The following RASSF8 variants were observed in gnomAD, a reference collection of about 807,000 sequenced individuals.
RASSF8 encodes Ras association domain family member 8.
A neutral mutation model predicts 48.5 loss-of-function variants in RASSF8; 22 were observed. The ratio of observed to expected loss-of-function variants is 0.45; its 90% confidence interval spans 0.32 to 0.65. The LOEUF is 0.65. Among genes scored for constraint, RASSF8 ranks in the 30% least tolerant of loss-of-function variants. The pLI is 0.03. For missense variants in RASSF8, 418 were observed against 489.2 expected (o/e 0.85, Z 1.37); for synonymous variants, 127 against 171.5 (o/e 0.74, Z 2.03).
intron 2 of RASSF8, among the ~76,000 whole-genome samples, chr12:26,018,660 C>A (rs10842654): frequency 0.19 from 29,230 of 152,024 alleles, 2,921 homozygotes; most frequent in Admixed American, 0.25. Context: ...TCTTGTTGTA[C>A]CCCATGCCAC....
chr12:26,009,450 C>T (rs911390788), intron 2 of RASSF8, among the ~76,000 whole-genome samples: 1 of 152,014 alleles, frequency 6.6e-6, no homozygotes, highest in African/African-American at 2.4e-5. Context: ...TGGGTGGTGG[C>T]GGAGATGCTG....
At chr12:26,022,320 A>G (rs1942805401) in intron 2 of RASSF8, among the ~76,000 whole-genome samples, 1 of 152,206 alleles carries the variant, frequency 6.6e-6, no homozygotes, top group Non-Finnish European at 1.5e-5. Flanking sequence ...TGCAGGAGAA[A>G]TAGACTTCCC....
intron 2 of RASSF8, among the ~76,000 whole-genome samples, chr12:26,024,288 A>G (rs1335941078): frequency 6.6e-6 from 1 of 152,178 alleles, no homozygotes; most frequent in African/African-American, 2.4e-5. Context: ...GATATGAGCC[A>G]CCACGCCCAG....
At chr12:25,966,200 A>G (rs561525653) in intron 1 of RASSF8, among the ~76,000 whole-genome samples, 1 of 152,278 alleles carries the variant, frequency 6.6e-6, no homozygotes, top group Non-Finnish European at 1.5e-5. Context: ...AACACTTGGC[A>G]TAGTTGGTCT....
intron 2 of RASSF8, among the ~76,000 whole-genome samples, chr12:26,010,994 C>T (rs903843051): frequency 1.3e-5 from 2 of 152,084 alleles, no homozygotes; most frequent in African/African-American, 4.8e-5. Context: ...CCTTGGAATC[C>T]AAAAGTGATA....
chr12:26,065,281 G>C lies in RASSF8; in HGVS notation c.887G>C (p.Gly296Ala), dbSNP rs770968174. ...VNEEEVKGKI[G>A]KVKGEIDIQG... Reference sequence around the variant, plus strand: ...GAGGAAGAGGTTAAAGGAAAGATCGGTAAGGTCAAAGGGGAGATTGACATT... The same window carrying C: ...GAGGAAGAGGTTAAAGGAAAGATCGCTAAGGTCAAAGGGGAGATTGACATT... Residue 296 changes from glycine (G) to alanine (A), a missense_variant, in exon 4 of 6, where the codon GGT becomes GCT. By Grantham distance (60) the Gly-to-Ala change is moderately conservative. Transcript: ENST00000689635. 1.2e-6 allele frequency: 2 copies of C among 1,614,144 alleles called. No homozygotes were observed. Among genetic ancestry groups the C allele is most frequent in the Non-Finnish European group, 1.7e-6 (2 of 1,179,996 alleles).
intron 2 of RASSF8, among the ~76,000 whole-genome samples, chr12:26,009,033 C>G (rs763436400): frequency 6.6e-6 from 1 of 152,090 alleles, no homozygotes; most frequent in Non-Finnish European, 1.5e-5. Flanking sequence ...CACTGGTAGT[C>G]CCCTGTGTAC....
At chr12:26,035,392 T>C (rs1943112169) in intron 2 of RASSF8, among the ~76,000 whole-genome samples, 1 of 141,610 alleles carries the variant, frequency 7.1e-6, no homozygotes, top group African/African-American at 2.6e-5. Context: ...ATAATATAAT[T>C]ATATGAAATT....
chr12:26,027,942 G>T (rs1942950703), intron 2 of RASSF8, among the ~76,000 whole-genome samples: 1 of 152,188 alleles, frequency 6.6e-6, no homozygotes, highest in East Asian at 1.9e-4. Context: ...CAGGACAAAG[G>T]AGTGGCTGTG....
chr12:26,045,217 A>T (rs1056751591), intron 2 of RASSF8, among the ~76,000 whole-genome samples: 2 of 152,196 alleles, frequency 1.3e-5, no homozygotes, highest in Non-Finnish European at 2.9e-5. Flanking sequence ...CATAGGGATC[A>T]TGCATGATTG....
At chr12:26,077,037 G>T (rs1286754295), downstream of RASSF8, among the ~76,000 whole-genome samples, 447 of 141,030 alleles carry the variant, frequency 3.2e-3, no homozygotes, top group Non-Finnish European at 4.1e-3. Context: ...ATTTTTTCAT[G>T]TGTCTGTTGG....
chr12:25,999,260 G>C (rs1159664726), intron 2 of RASSF8, among the ~76,000 whole-genome samples: 1 of 152,140 alleles, frequency 6.6e-6, no homozygotes, highest in Non-Finnish European at 1.5e-5. Flanking sequence ...GAAATCAAGA[G>C]AAACTTTTTC....
In RASSF8 at chr12:26,072,572, C is replaced by T. The variant is rs1264647171; in HGVS notation, c.*3754C>T. On this transcript the variant is annotated 3_prime_UTR_variant, in exon 6 of 6. Coordinates refer to ENST00000689635, the MANE Select transcript of RASSF8 (RefSeq NM_001394098.1). ...ATTAAAAAATAGATTTACAGCCAGA[C>T]ATGGTGATAGCCCTAAATGTATTTC... 4 of 985,078 alleles carry T rather than the reference C, an allele frequency of 4.1e-6. No homozygotes were observed. Among genetic ancestry groups the T allele is most frequent in the African/African-American group, 3.5e-5 (2 of 57,170 alleles). 61.0% of individuals were successfully genotyped at this position (985,078 alleles called of 1,614,324 possible). A position where few individuals can be genotyped will look rare whatever the true frequency, so the allele number is the denominator to read the frequency against.
chr12:26,028,603 G>A (rs1430340584), intron 2 of RASSF8, among the ~76,000 whole-genome samples: 1 of 152,174 alleles, frequency 6.6e-6, no homozygotes, highest in Non-Finnish European at 1.5e-5. Flanking sequence ...GCTACGGTAA[G>A]TGACAATAAA....
At position 26,069,233 on chromosome 12, in the gene RASSF8, GTGAC is replaced by G. The variant is rs1943949537; in HGVS notation, c.*421_*424del. ...TTTAATATTTTTATTGACTTATCCTGTGACTGACTTACGTTACATATTGTGTGAT... is the reference window on the plus strand; with the variant it reads ...TTTAATATTTTTATTGACTTATCCTGTGACTTACGTTACATATTGTGTGAT... On this transcript the variant is annotated 3_prime_UTR_variant, in exon 6 of 6. Transcript: ENST00000689635. 1 of 988,388 alleles carries G rather than the reference GTGAC, an allele frequency of 1.0e-6. No individual in the cohort carries two copies. The highest frequency in any genetic ancestry group is 4.6e-5 in the South Asian group (1 of 21,880). 61.2% of individuals were successfully genotyped at this position (988,388 alleles called of 1,614,324 possible).
At chr12:25,969,888 G>A (rs546298777) in intron 1 of RASSF8, among the ~76,000 whole-genome samples, 2 of 152,170 alleles carry the variant, frequency 1.3e-5, no homozygotes, top group Admixed American at 1.3e-4. Context: ...CTTGAAATGT[G>A]CCAGTGGCAT....
chr12:25,990,471 T>C, intron 1 of RASSF8, among the ~76,000 whole-genome samples: 2 of 152,216 alleles, frequency 1.3e-5, no homozygotes, highest in East Asian at 3.8e-4. Flanking sequence ...ATATAAATAA[T>C]TAATTTTGGT....
At position 26,068,742 on chromosome 12, in the gene RASSF8, G is replaced by A. The variant is rs997342967; in HGVS notation, c.1184G>A (p.Arg395Gln). ...SGSLKRPGSS[R>Q]QLPSNLRILQ... ...TCCCTGAAGCGACCTGGTTCATCTC[G>A]GCAGCTCCCCAGTAATCTCCGCATT... Residue 395 changes from arginine (R) to glutamine (Q), a missense_variant, in exon 6 of 6, where the codon CGG (arginine) becomes CAG (glutamine). Arg to Gln is a conservative substitution (Grantham distance 43). Transcript: ENST00000689635. The A allele has an allele frequency of 7.2e-6, 11 of 1,537,104 alleles. No homozygotes were observed. The highest frequency in any genetic ancestry group is 6.8e-5 in the African/African-American group (5 of 72,998).
At chr12:25,968,353 A>AT (rs1053546237) in intron 1 of RASSF8, among the ~76,000 whole-genome samples, 6 of 151,680 alleles carry the variant, frequency 4.0e-5, no homozygotes, top group African/African-American at 9.7e-5. Flanking sequence ...TTATTTATTT[A>AT]TTTTTTTGAG....
Sources: gnomAD v4.1 joint callset for allele counts (sites outside exome capture counted in the v4.1 genomes callset) on GRCh38, gnomAD v4.1.1 for gene constraint, MANE v1.5 for transcripts, NCBI Gene and HGNC (gene_info 2026-07-23, HGNC 2026-07-21) for gene names.